The following PDE10A variants were observed in gnomAD, a reference collection of about 807,000 sequenced individuals.
The protein encoded by PDE10A is phosphodiesterase 10A, also known as cAMP and cAMP-inhibited cGMP 3',5'-cyclic phosphodiesterase 10A.
Under a neutral mutation model 97.7 loss-of-function variants are expected in PDE10A, and 39 were observed. The observed-to-expected ratio is 0.40, with a 90% CI of 0.31 to 0.52. The LOEUF is 0.52. Ranked by LOEUF, PDE10A falls within the 20% of genes least tolerant of loss-of-function variation. The probability of loss-of-function intolerance (pLI) is 0.56; values close to 1 mark genes in which losing one functional copy is unlikely to be tolerated. For synonymous variants in PDE10A, 371 were observed against 376.8 expected, an observed-to-expected ratio of 0.98 and a Z score of 0.18; for missense variants, 731 against 1,047.8, an observed-to-expected ratio of 0.70 and a Z score of 4.17.
At chr6:165,346,483 C>G (rs2128183175) in intron 18 of PDE10A, among the ~76,000 whole-genome samples, 1 of 152,330 alleles carries the variant, frequency 6.6e-6, no homozygotes, top group South Asian at 2.1e-4. Context: ...ATAAAGAGCA[C>G]AGGCTCTATC....
chr6:165,630,151 C>A (rs1788565918), intron 1 of PDE10A, among the ~76,000 whole-genome samples: 1 of 152,042 alleles, frequency 6.6e-6, no homozygotes, highest in African/African-American at 2.4e-5. Context: ...GAGTTTAAGA[C>A]CAGCCTGCGC....
rs113094896 is a variant in PDE10A at position 165,362,012 on chromosome 6, A to G, written c.2783+17182T>C. On this transcript the variant is annotated intron_variant, in intron 18 of 21. Transcript: ENST00000539869. ...TGAGATGTATGAAAATAAAGACACA[A>G]TATATCAAAGCTCATGGGATGCAGT... Among the ~76,000 whole-genome samples the G allele has an allele frequency of 2.9e-3, 438 of 152,300 alleles. 1 individual carries two copies. The highest frequency in any genetic ancestry group is 8.6e-3 in the African/African-American group (358 of 41,586).
chr6:165,523,151 T>G (rs1782231272), intron 2 of PDE10A, among the ~76,000 whole-genome samples: 1 of 152,116 alleles, frequency 6.6e-6, no homozygotes, highest in Admixed American at 6.6e-5. Flanking sequence ...AATTCTATGC[T>G]TATGAATTGA....
intron 1 of PDE10A, among the ~76,000 whole-genome samples, chr6:165,927,480 A>G (rs1346269867): frequency 6.6e-6 from 1 of 151,886 alleles, no homozygotes; most frequent in Non-Finnish European, 1.5e-5. Context: ...TGATTTATGG[A>G]AATAATATAA....
intron 1 of PDE10A, among the ~76,000 whole-genome samples, chr6:165,683,841 C>A (rs562408101): frequency 1.3e-5 from 2 of 152,288 alleles, no homozygotes; most frequent in Middle Eastern, 3.4e-3. Flanking sequence ...CTTACTCTTT[C>A]CCACACCTCT....
intron 1 of PDE10A, among the ~76,000 whole-genome samples, chr6:165,596,751 A>C (rs1786621019): frequency 6.6e-6 from 1 of 152,078 alleles, no homozygotes; most frequent in African/African-American, 2.4e-5. Context: ...AAAATATGTA[A>C]GTGAATAAAC....
chr6:165,396,219 G>A (rs1371885682), intron 14 of PDE10A, 98 bp downstream of exon 14: 3 of 1,099,004 alleles, frequency 2.7e-6, no homozygotes, highest in African/African-American at 1.6e-5. Flanking sequence ...TGTAATATGT[G>A]TATAATAATT....
At chr6:165,468,683 C>G (rs1778808214) in intron 3 of PDE10A, among the ~76,000 whole-genome samples, 1 of 152,140 alleles carries the variant, frequency 6.6e-6, no homozygotes, top group Non-Finnish European at 1.5e-5. Flanking sequence ...GGGAGGGGAA[C>G]AGATAAACAA....
At chr6:165,363,470 G>A (rs1033626783) in intron 18 of PDE10A, among the ~76,000 whole-genome samples, 4 of 151,864 alleles carry the variant, frequency 2.6e-5, no homozygotes, top group Non-Finnish European at 2.9e-5. Flanking sequence ...AGCTGAGATC[G>A]TGCCACTGCA....
chr6:165,578,248 A>T (rs922905654), intron 1 of PDE10A, among the ~76,000 whole-genome samples: 8 of 79,420 alleles, frequency 1.0e-4, no homozygotes, highest in African/African-American at 3.6e-4. Flanking sequence ...CACTCTCAAG[A>T]GTTTTGTTTG....
At chr6:165,833,781 C>T (rs896865003) in intron 1 of PDE10A, among the ~76,000 whole-genome samples, 1 of 152,170 alleles carries the variant, frequency 6.6e-6, no homozygotes, top group Admixed American at 6.5e-5. Context: ...ACTTCCATTC[C>T]AGGTAAGAGT....
rs140275491 is a variant in PDE10A, at chr6:165,982,139, C to G, written c.-615+5390G>C. Reference sequence around the variant, plus strand: ...GTGGTTATTGAAAACCATATGTTCACTCAGTCACTGTTTCATCTGACCACA... The same window carrying G: ...GTGGTTATTGAAAACCATATGTTCAGTCAGTCACTGTTTCATCTGACCACA... On this transcript the variant is annotated intron_variant, in intron 1 of 19. Transcript: ENST00000366882. Among the ~76,000 whole-genome samples the G allele has an allele frequency of 9.5e-3, 1,454 of 152,292 alleles. 14 individuals carry two copies. Among genetic ancestry groups the G allele is most frequent in the Non-Finnish European group, 0.014 (985 of 68,014 alleles).
intron 1 of PDE10A, among the ~76,000 whole-genome samples, chr6:165,958,731 GA>G (rs1373471772): frequency 1.5e-4 from 2 of 13,464 alleles, no homozygotes; most frequent in Non-Finnish European, 2.7e-4. Flanking sequence ...AAGAAAGAAA[GA>G]AAGAAAGAAA....
intron 1 of PDE10A, among the ~76,000 whole-genome samples, chr6:165,619,192 GTGTAGTGTAA>G (rs200180030): frequency 2.0e-4 from 25 of 122,062 alleles, no homozygotes; most frequent in African/African-American, 1.0e-3. Flanking sequence ...GTGTAGTCTA[GTGTAGTGTAA>G]TGTAGTGCAG....
chr6:165,370,948 T>C (rs1022916514), intron 18 of PDE10A, among the ~76,000 whole-genome samples: 5 of 136,654 alleles, frequency 3.7e-5, no homozygotes, highest in Admixed American at 3.0e-4. Context: ...CTCAACTACA[T>C]GGAAACTGAA....
chr6:165,419,814 CAA>C (rs1788568565), intron 10 of PDE10A, among the ~76,000 whole-genome samples: 1 of 152,158 alleles, frequency 6.6e-6, no homozygotes, highest in African/African-American at 2.4e-5. Flanking sequence ...ACAGCCATCA[CAA>C]AGTCTCTGCA....
rs1788471431 is a variant in PDE10A at position 165,418,425 on chromosome 6, T to A, written c.1796+210A>T. ...CTCCGGAAGACGGCATTTCCAGGAG[T>A]GACGCTAAGGCTTCCTAGGCGCGGT... On this transcript the variant is annotated intron_variant, in intron 11 of 21. Transcript: ENST00000539869. This position sits in a 1 kb window ranked among gnomAD's most constrained non-coding sequence, Gnocchi z 4.8. Among the ~76,000 whole-genome samples the A allele has an allele frequency of 6.6e-6, 1 of 151,978 alleles. No individual in the cohort carries two copies. The highest frequency in any genetic ancestry group is 2.1e-4 in the South Asian group (1 of 4,820).
At chr6:165,520,185 T>A (rs577493) in intron 2 of PDE10A, among the ~76,000 whole-genome samples, 1 of 151,970 alleles carries the variant, frequency 6.6e-6, no homozygotes, top group East Asian at 1.9e-4. Context: ...TCTTGACTTA[T>A]ATAGAGTTCC....
chr6:165,388,408 T>C lies in PDE10A; in HGVS notation c.2500A>G (p.Arg834Gly). Residue 834 changes from arginine (R) to glycine (G), a missense_variant, in exon 17 of 22, where the codon AGG (arginine) becomes GGG (glycine). Physicochemically the swap from Arg to Gly is moderately radical, Grantham distance 125 (BLOSUM62 -2). Transcript: ENST00000539869. This position sits in a 1 kb window ranked among gnomAD's most constrained non-coding sequence, Gnocchi z 4.0. ...TGCAGGTAGCTGTTACTGAAGCCCC[T>C]GTGGTCCAGGTCATGACACAGACAC... The part of the protein sequence containing the change: ...IACLCHDLDH[R>G]GFSNSYLQKF... 1 of 1,614,134 alleles carries C rather than the reference T, an allele frequency of 6.2e-7. No homozygotes were observed. The highest frequency in any genetic ancestry group is 8.5e-7 in the Non-Finnish European group (1 of 1,179,972).
Sources: allele counts gnomAD v4.1 joint callset (sites outside exome capture counted in the v4.1 genomes callset), GRCh38; gene constraint gnomAD v4.1.1; non-coding constraint Gnocchi (gnomAD v3.1); transcripts MANE v1.5; gene names NCBI Gene and HGNC (gene_info 2026-07-23, HGNC 2026-07-21).